DOP1B: variants seen among roughly 807,000 people sequenced by gnomAD.
DOP1B encodes protein DOP1B.
Under a neutral mutation model 233.5 loss-of-function variants are expected in DOP1B, and 174 were observed. The observed-to-expected ratio is 0.75, with a 90% CI of 0.66 to 0.85. The LOEUF is 0.85. Ranked by LOEUF, DOP1B falls within the 40% of genes least tolerant of loss-of-function variation. The pLI is 0.00. For synonymous variants in DOP1B, 1,190 were observed against 1,185.6 expected (o/e 1.00, Z -0.08); for missense variants, 2,652 against 2,846.6 (o/e 0.93, Z 1.56).
chr21:36,277,832 G>A (rs2067369486), intron 28 of DOP1B, 143 bp from the exon 29 acceptor site: 1 of 631,758 alleles, frequency 1.6e-6, no homozygotes, highest in Non-Finnish European at 2.8e-6. Context: ...AGTAGAGATG[G>A]GGTTTCACCA....
intron 7 of DOP1B, among the ~76,000 whole-genome samples, chr21:36,212,380 C>T (rs954890964): frequency 2.7e-4 from 41 of 152,134 alleles, no homozygotes; most frequent in African/African-American, 9.9e-4. Flanking sequence ...AAAGTGGTAG[C>T]AAAACCTTAT....
chr21:36,293,398 C>T lies in DOP1B; in HGVS notation c.6724C>T (p.Gln2242Ter), dbSNP rs1331681768. 1 of 1,613,956 alleles carries T rather than the reference C, an allele frequency of 6.2e-7. No individual in the cohort carries two copies. Among genetic ancestry groups the T allele is most frequent in the Non-Finnish European group, 8.5e-7 (1 of 1,179,954 alleles). Reference protein sequence around the residue: ...LRQHSVSSIRQLMPFFMTLNG... With the variant: ...LRQHSVSSIR ...CCAACATTCTGTTTCCAGCATCAGG[C>T]AGTTGATGCCATTCTTCATGACTCT... is the stretch of plus-strand genomic sequence containing the variant. The change falls in exon 37 of 37, where the codon CAG becomes TAG. Residue 2242 changes from glutamine (Q) to a stop codon, truncating the protein, a stop_gained. Coordinates refer to ENST00000691173, the MANE Select transcript of DOP1B (RefSeq NM_001320714.2). LOFTEE classifies it low-confidence loss of function (END_TRUNC).
intron 16 of DOP1B, 30 bp downstream of exon 16, chr21:36,237,444 T>A: frequency 6.2e-7 from 1 of 1,612,178 alleles, no homozygotes; most frequent in Non-Finnish European, 8.5e-7. Flanking sequence ...ACCTCCATCC[T>A]GCAGCACCCC....
chr21:36,266,420 C>T (rs551234832), intron 26 of DOP1B, among the ~76,000 whole-genome samples: 15 of 152,224 alleles, frequency 9.9e-5, no homozygotes, highest in African/African-American at 2.4e-4. Flanking sequence ...GTGATCCAGC[C>T]GCCTCAGCCT....
intron 2 of DOP1B, among the ~76,000 whole-genome samples, chr21:36,171,034 AGGAGTTGACGT>A (rs895396572): frequency 3.1e-4 from 47 of 152,198 alleles, no homozygotes; most frequent in Non-Finnish European, 5.6e-4. Context: ...CTGCGTGCTA[AGGAGTTGACGT>A]GCATTATTGT....
At position 36,246,761 on chromosome 21, in the gene DOP1B, C is replaced by T. The variant is rs1227354715; in HGVS notation, c.4697+84C>T. Reference sequence around the variant, plus strand: ...ACTGTTTTGCCACGGATGTGGATGTCGGTTGGAGGATAATTTCATCCCAAT... The same window carrying T: ...ACTGTTTTGCCACGGATGTGGATGTTGGTTGGAGGATAATTTCATCCCAAT... On this transcript the variant is annotated intron_variant, in intron 19 of 36. Coordinates refer to ENST00000691173, the MANE Select transcript of DOP1B (RefSeq NM_001320714.2). The surrounding 1 kb of genome is among the most constrained non-coding windows in gnomAD (Gnocchi z 5.1). The T allele has an allele frequency of 8.1e-6, 12 of 1,490,194 alleles. No homozygotes were observed. The highest frequency in any genetic ancestry group is 6.9e-5 in the African/African-American group (5 of 72,422). The allele number at this position is 1,490,194 out of a possible 1,614,324, so 92.3% of individuals were successfully genotyped here.
At chr21:36,277,471 C>T (rs569068920) in intron 28 of DOP1B, among the ~76,000 whole-genome samples, 5 of 151,684 alleles carry the variant, frequency 3.3e-5, no homozygotes, top group East Asian at 2.0e-4. Context: ...TTAGTAGAGA[C>T]GGGGTTTCAC....
chr21:36,242,474 C>G (rs1158094429), intron 18 of DOP1B, among the ~76,000 whole-genome samples: 1 of 152,044 alleles, frequency 6.6e-6, no homozygotes, highest in African/African-American at 2.4e-5. Context: ...CATGCCCAGC[C>G]TTAGTTTTGG....
chr21:36,262,904 A>AAAT (rs1555897496), intron 24 of DOP1B, among the ~76,000 whole-genome samples: 118 of 143,784 alleles, frequency 8.2e-4, no homozygotes, highest in Non-Finnish European at 1.5e-3. Context: ...AAACAATAAT[A>AAAT]AAATAAATAA....
intron 2 of DOP1B, among the ~76,000 whole-genome samples, chr21:36,180,033 G>A (rs945494418): frequency 2.6e-5 from 4 of 152,004 alleles, no homozygotes; most frequent in African/African-American, 9.7e-5. Context: ...TTTGTCATGT[G>A]TTTATCTAGC....
intron 3 of DOP1B, 120 bp from the exon 4 acceptor site, chr21:36,200,211 A>T: frequency 7.5e-7 from 1 of 1,328,342 alleles, no homozygotes; most frequent in South Asian, 1.5e-5. Flanking sequence ...CACACATCGA[A>T]ACCAGCAGTT....
intron 32 of DOP1B, among the ~76,000 whole-genome samples, chr21:36,284,201 TGGC>T (rs1569071222): frequency 6.6e-6 from 1 of 151,282 alleles, no homozygotes; most frequent in African/African-American, 2.4e-5. Context: ...CCGCCTGTGT[TGGC>T]CTCCCAAAGT....
At position 36,225,615 on chromosome 21, in the gene DOP1B, C is replaced by T. The variant is rs199987084; in HGVS notation, c.1421C>T (p.Thr474Met). ...SVRNSVSPPP[T>M]VSELCALLVF... Reference sequence around the variant, plus strand: ...AGGAACAGCGTCAGCCCTCCCCCCACGGTCTCGGAGCTCTGCGCCCTCCTG... The same window carrying T: ...AGGAACAGCGTCAGCCCTCCCCCCATGGTCTCGGAGCTCTGCGCCCTCCTG... The change falls in exon 12 of 37, where the codon ACG (threonine) becomes ATG (methionine). Residue 474 changes from threonine (T) to methionine (M), a missense_variant. Physicochemically the swap from Thr to Met is moderately conservative, Grantham distance 81. Around this residue, in one of 3 missense-constraint regions of DOP1B, gnomAD observed 2,617 missense variants for 2,794.3 expected, o/e 0.94. Coordinates refer to ENST00000691173, the MANE Select transcript of DOP1B (RefSeq NM_001320714.2). 26 of 1,614,200 alleles carry T rather than the reference C, an allele frequency of 1.6e-5. No individual in the cohort carries two copies. In the East Asian group the frequency reaches 1.8e-4, roughly 11 times the overall value.
intron 22 of DOP1B, among the ~76,000 whole-genome samples, chr21:36,251,575 A>G (rs1361133435): frequency 2.0e-5 from 3 of 152,100 alleles, no homozygotes; most frequent in Non-Finnish European, 4.4e-5. Context: ...GCCCGCCACC[A>G]CACCCGGCTA....
At chr21:36,257,627 T>C (rs557405447) in intron 23 of DOP1B, among the ~76,000 whole-genome samples, 2 of 151,640 alleles carry the variant, frequency 1.3e-5, no homozygotes, top group African/African-American at 4.9e-5. Flanking sequence ...GATAGATAGA[T>C]AGATAGATAG....
intron 2 of DOP1B, among the ~76,000 whole-genome samples, chr21:36,167,903 G>A (rs1437496374): frequency 6.9e-6 from 1 of 144,594 alleles, no homozygotes; most frequent in Non-Finnish European, 1.5e-5. Flanking sequence ...TCTATTGTAT[G>A]GGTAAGTCAC....
At chr21:36,192,930 T>C (rs1185400759) in intron 2 of DOP1B, among the ~76,000 whole-genome samples, 1 of 152,104 alleles carries the variant, frequency 6.6e-6, no homozygotes, top group Non-Finnish European at 1.5e-5. Context: ...ACCTCTGATC[T>C]GCCCACCTTG....
intron 23 of DOP1B, among the ~76,000 whole-genome samples, chr21:36,255,552 C>T (rs2123618215): frequency 1.3e-5 from 2 of 152,020 alleles, no homozygotes; most frequent in East Asian, 3.9e-4. Context: ...CTCAAATGAT[C>T]TTCCCAAATA....
At chr21:36,210,030 CA>C (rs1038581209) in intron 5 of DOP1B, among the ~76,000 whole-genome samples, 12 of 152,112 alleles carry the variant, frequency 7.9e-5, no homozygotes, top group African/African-American at 2.9e-4. Flanking sequence ...CCCCGATGAA[CA>C]CGTCCCTTTC....
Sources: allele counts gnomAD v4.1 joint callset (sites outside exome capture counted in the v4.1 genomes callset), GRCh38; gene constraint gnomAD v4.1.1; regional missense constraint gnomAD v4.1.1; non-coding constraint Gnocchi (gnomAD v3.1); transcripts MANE v1.5; gene names NCBI Gene and HGNC (gene_info 2026-07-23, HGNC 2026-07-21).